FLNB: variants seen among roughly 807,000 people sequenced by gnomAD.
FLNB encodes filamin-B.
Under a neutral mutation model 250.6 loss-of-function variants are expected in FLNB, and 111 were observed. The ratio of observed to expected loss-of-function variants is 0.44; its 90% CI spans 0.38 to 0.52. The LOEUF is 0.52. Among genes scored for constraint, FLNB ranks in the 20% least tolerant of loss-of-function variants. The pLI is 0.00. For missense variants in FLNB, 2,869 were observed against 3,447.8 expected, an observed-to-expected ratio of 0.83 and a Z score of 4.20; for synonymous variants, 1,302 against 1,372.1, an observed-to-expected ratio of 0.95 and a Z score of 1.13.
intron 18 of FLNB, 65 bp from the exon 19 acceptor site, chr3:58,118,807 G>A (rs2097283330): frequency 4.3e-6 from 5 of 1,156,622 alleles, no homozygotes; most frequent in Non-Finnish European, 6.6e-6. Flanking sequence ...ATCTTGAGGG[G>A]ATTTTAAATG....
intron 3 of FLNB, among the ~76,000 whole-genome samples, chr3:58,081,138 C>G (rs2097208746): frequency 6.6e-6 from 1 of 151,842 alleles, no homozygotes; most frequent in Non-Finnish European, 1.5e-5. Context: ...GATCACATAT[C>G]TAATATTTAC....
At chr3:58,065,725 C>T (rs564721708) in intron 1 of FLNB, among the ~76,000 whole-genome samples, 11 of 152,288 alleles carry the variant, frequency 7.2e-5, no homozygotes, top group South Asian at 4.1e-4. Context: ...CTCTTTTCCT[C>T]GAGGGATTCC....
At chr3:58,051,377 G>A (rs2097162049) in intron 1 of FLNB, among the ~76,000 whole-genome samples, 1 of 152,230 alleles carries the variant, frequency 6.6e-6, no homozygotes, top group Non-Finnish European at 1.5e-5. Flanking sequence ...TGGCCCGCAT[G>A]TCTGCACTGA....
At chr3:58,053,033 AG>A (rs2097164912) in intron 1 of FLNB, among the ~76,000 whole-genome samples, 2 of 152,216 alleles carry the variant, frequency 1.3e-5, no homozygotes, top group Non-Finnish European at 2.9e-5. Flanking sequence ...AGACATTGTC[AG>A]CCCATTTTAC....
intron 3 of FLNB, among the ~76,000 whole-genome samples, chr3:58,080,445 T>C (rs1037320381): frequency 6.6e-6 from 1 of 151,732 alleles, no homozygotes; most frequent in African/African-American, 2.4e-5. Context: ...CCAGGATGGG[T>C]CTAGTCTTGC....
At chr3:58,110,688 C>T (rs535594065) in intron 16 of FLNB, among the ~76,000 whole-genome samples, 11 of 152,264 alleles carry the variant, frequency 7.2e-5, no homozygotes, top group East Asian at 1.9e-4. Context: ...TCAGATGATA[C>T]GCCTGCCTTG....
intron 1 of FLNB, among the ~76,000 whole-genome samples, chr3:58,030,285 G>C (rs533488874): frequency 1.2e-3 from 180 of 152,290 alleles, no homozygotes; most frequent in African/African-American, 4.1e-3. Context: ...CTGAAAACTG[G>C]CTCACATAGA....
chr3:58,065,793 G>A (rs531864552), intron 1 of FLNB, among the ~76,000 whole-genome samples: 13 of 152,248 alleles, frequency 8.5e-5, no homozygotes, highest in Non-Finnish European at 1.9e-4. Context: ...CATGGGCTGT[G>A]TTTCAGGTGA....
At chr3:58,053,223 G>T (rs1461593918) in intron 1 of FLNB, among the ~76,000 whole-genome samples, 3 of 152,136 alleles carry the variant, frequency 2.0e-5, no homozygotes, top group Admixed American at 6.6e-5. Context: ...AGGTAAGTCT[G>T]TTAATTTCAG....
Position 58,077,165 on chromosome 3 carries a change from A to C in FLNB, c.412A>C (p.Lys138Gln), listed in dbSNP as rs779819391. The C allele has an allele frequency of 6.2e-7, 1 of 1,614,000 alleles. No individual in the cohort carries two copies. Among genetic ancestry groups the C allele is most frequent in the South Asian group, 1.1e-5 (1 of 91,072 alleles). Residue 138 changes from lysine (K) to glutamine (Q), a missense_variant, in exon 2 of 46, where the codon AAG (lysine) becomes CAG (glutamine). Physicochemically the swap from Lys to Gln is moderately conservative, Grantham distance 53. Around this residue, in one of 5 missense-constraint regions of FLNB, gnomAD observed 308 missense variants for 466.1 expected, o/e 0.66. Coordinates refer to ENST00000295956, the MANE Select transcript of FLNB (RefSeq NM_001457.4). ...WEDEGDDDAK[K>Q]QTPKQRLLGW... ...GGATGAAGGGGATGATGATGCCAAG[A>C]AGCAGACGCCAAAGCAGAGGCTGCT...
rs17058763 is a variant in FLNB, at chr3:58,042,792, C to T, written c.292+33936C>T. ...CCTTTGCCTCCAGCCATGAGCCGTT[C>T]GTTGCGCCTGGGCTAGTCATTATAG... On this transcript the variant is annotated intron_variant, in intron 1 of 45. Transcript: ENST00000295956. Among the ~76,000 whole-genome samples the T allele has an allele frequency of 9.6e-3, 1,468 of 152,258 alleles. 25 individuals are homozygous for T. The highest frequency in any genetic ancestry group is 0.034 in the African/African-American group (1,404 of 41,530).
chr3:58,072,687 C>T (rs2097196361), intron 1 of FLNB, among the ~76,000 whole-genome samples: 1 of 152,062 alleles, frequency 6.6e-6, no homozygotes, highest in Admixed American at 6.6e-5. Context: ...ATGAGAACTG[C>T]TCTCTCTCTA....
At chr3:58,151,862 C>G (rs2097345656) in intron 38 of FLNB, among the ~76,000 whole-genome samples, 1 of 152,230 alleles carries the variant, frequency 6.6e-6, no homozygotes, top group African/African-American at 2.4e-5. Flanking sequence ...GCTGCCATGC[C>G]TTGGCAGACC....
At chr3:58,011,144 A>G (rs1023724597) in intron 1 of FLNB, among the ~76,000 whole-genome samples, 8 of 151,894 alleles carry the variant, frequency 5.3e-5, no homozygotes, top group Non-Finnish European at 1.2e-4. Flanking sequence ...CGAACTCTTG[A>G]CCTCATGATA....
At chr3:58,080,580 C>T (rs529744646) in intron 3 of FLNB, among the ~76,000 whole-genome samples, 10 of 151,486 alleles carry the variant, frequency 6.6e-5, no homozygotes, top group African/African-American at 1.9e-4. Flanking sequence ...CTGCAACCTC[C>T]GCCTCCTAGG....
chr3:58,050,420 A>G (rs898151836), intron 1 of FLNB, among the ~76,000 whole-genome samples: 2 of 152,202 alleles, frequency 1.3e-5, no homozygotes, highest in South Asian at 2.1e-4. Flanking sequence ...TGAGTATGGT[A>G]ACTACAGCCA....
chr3:58,168,780 C>T (rs1016372224), intron 44 of FLNB, 122 bp downstream of exon 44: 12 of 760,070 alleles, frequency 1.6e-5, no homozygotes, highest in Non-Finnish European at 2.8e-5. Flanking sequence ...CTTTGAATGT[C>T]AGTAAATAGT....
At chr3:58,013,938 G>A (rs1290738821) in intron 1 of FLNB, among the ~76,000 whole-genome samples, 1 of 152,336 alleles carries the variant, frequency 6.6e-6, no homozygotes, top group East Asian at 1.9e-4. Context: ...TAAGAGCAAG[G>A]ATTCTTGGTT....
intron 43 of FLNB, among the ~76,000 whole-genome samples, chr3:58,167,791 A>G (rs1339961291): frequency 6.6e-6 from 1 of 152,252 alleles, no homozygotes; most frequent in African/African-American, 2.4e-5. Context: ...AATCACGGAA[A>G]GGATTCCATA....
Sources: allele counts gnomAD v4.1 joint callset (sites outside exome capture counted in the v4.1 genomes callset), GRCh38; gene constraint gnomAD v4.1.1; regional missense constraint gnomAD v4.1.1; transcripts MANE v1.5; gene names NCBI Gene and HGNC (gene_info 2026-07-23, HGNC 2026-07-21).